Variants in YME1L1 observed in about 807,000 individuals in gnomAD.
The protein encoded by YME1L1 is ATP-dependent zinc metalloprotease YME1L1.
Under a neutral mutation model 90.4 loss-of-function variants are expected in YME1L1, and 39 were observed. That is an observed-to-expected ratio of 0.43 (90% confidence interval 0.33 to 0.56). The LOEUF (loss-of-function observed/expected upper bound fraction) is 0.56. Among genes scored for constraint, YME1L1 ranks in the 20% least tolerant of loss-of-function variants. The probability of loss-of-function intolerance (pLI) is 0.03; values close to 1 mark genes in which losing one functional copy is unlikely to be tolerated. For synonymous variants in YME1L1, 284 were observed against 287.3 expected (o/e 0.99, Z 0.12); for missense variants, 617 against 868.4 (o/e 0.71, Z 3.64).
chr10:27,113,074 G>A (rs2056774027), intron 18 of YME1L1, among the ~76,000 whole-genome samples: 1 of 151,584 alleles, frequency 6.6e-6, no homozygotes, highest in African/African-American at 2.4e-5. Flanking sequence ...AACAAAATTA[G>A]CTAGGCATGG....
intron 15 of YME1L1, 31 bp downstream of exon 15, chr10:27,117,545 G>A (rs774489091): frequency 6.2e-7 from 1 of 1,606,498 alleles, no homozygotes. Flanking sequence ...TCCAGCCTGG[G>A]TGACAGGGCG....
At chr10:27,145,857 CTT>C (rs34273028) in intron 2 of YME1L1, 617 of 189,938 alleles carry the variant, frequency 3.2e-3, no homozygotes, top group East Asian at 0.019. Flanking sequence ...ATGAGAAAAA[CTT>C]TTTTTTTTTT....
chr10:27,145,155 T>C (rs2057129232), intron 3 of YME1L1, among the ~76,000 whole-genome samples: 1 of 152,072 alleles, frequency 6.6e-6, no homozygotes, highest in Non-Finnish European at 1.5e-5. Flanking sequence ...AAAAAATTAT[T>C]GTACCAATGT....
chr10:27,115,678 T>C (rs1360194657), intron 17 of YME1L1, among the ~76,000 whole-genome samples: 3 of 152,062 alleles, frequency 2.0e-5, no homozygotes, highest in Admixed American at 6.6e-5. Flanking sequence ...ACTTCAAATA[T>C]AGAAATCCAT....
chr10:27,147,678 G>A, intron 2 of YME1L1: 1 of 1,551,234 alleles, frequency 6.4e-7, no homozygotes, highest in Non-Finnish European at 8.7e-7. Flanking sequence ...ACTGTAGGAA[G>A]AGAGGTTTTG....
At position 27,111,983 on chromosome 10, in the gene YME1L1, C is replaced by G; in HGVS notation, c.2145G>C (p.Val715=). 6.2e-7 allele frequency: 1 copy of G among 1,614,028 alleles called. No individual in the cohort carries two copies. Among genetic ancestry groups the G allele is most frequent in the Non-Finnish European group, 8.5e-7 (1 of 1,179,992 alleles). The change falls in exon 19 of 19, where the codon GTG becomes GTC. Residue 715 remains valine, a synonymous_variant. Transcript: ENST00000376016. The part of the protein sequence containing the change: ...QIVLEGKKLE[V]R ...ATCCATATCAAGAGAGTTATCATCT[C>G]ACTTCCAACTTTTTCCCCTCAAGAA...
intron 8 of YME1L1, 80 bp downstream of exon 8, chr10:27,131,779 C>T (rs2056979713): frequency 1.9e-6 from 2 of 1,064,428 alleles, no homozygotes; most frequent in South Asian, 1.5e-5. Context: ...CTAGAATACA[C>T]TGTAGAATCA....
At chr10:27,148,265 C>T (rs775314083) in intron 2 of YME1L1, among the ~76,000 whole-genome samples, 10 of 151,950 alleles carry the variant, frequency 6.6e-5, no homozygotes, top group African/African-American at 1.9e-4. Flanking sequence ...TGCAGTGGTG[C>T]GATCTTGGCT....
At chr10:27,113,946 T>C (rs1588579958) in intron 18 of YME1L1, among the ~76,000 whole-genome samples, 1 of 146,920 alleles carries the variant, frequency 6.8e-6, no homozygotes. Context: ...AGAATGAGAC[T>C]CCATAAAAAA....
intron 6 of YME1L1, 80 bp downstream of exon 6, chr10:27,134,751 G>A: frequency 6.9e-7 from 1 of 1,450,884 alleles, no homozygotes; most frequent in Non-Finnish European, 9.5e-7. Flanking sequence ...TCTTAGAAAA[G>A]TTACTTAAAA....
chr10:27,140,837 A>G (rs550888418), intron 4 of YME1L1, among the ~76,000 whole-genome samples: 13 of 152,020 alleles, frequency 8.6e-5, no homozygotes, highest in Non-Finnish European at 1.6e-4. Context: ...TTATTTTCTG[A>G]CATTGAGAGA....
rs568215954 is a variant in YME1L1 at position 27,122,699 on chromosome 10, A to C, written c.1235+142T>G. ...GTCTTGAGTTCTTGCATGAGGGACT[A>C]CTCTGTTTCCTATACACATCACATT... On this transcript the variant is annotated intron_variant, in intron 11 of 18. Coordinates refer to ENST00000376016, the MANE Select transcript of YME1L1 (RefSeq NM_014263.4). The C allele has an allele frequency of 1.7e-5, 19 of 1,114,368 alleles. No homozygotes were observed. The Admixed American group carries it at 4.4e-4, about 26-fold the overall frequency. The allele number at this position is 1,114,368 out of a possible 1,614,324, so 69.0% of individuals were successfully genotyped here. A position where few individuals can be genotyped will look rare whatever the true frequency, so the allele number is the denominator to read the frequency against.
At chr10:27,136,548 G>A (rs1055084009) in intron 4 of YME1L1, among the ~76,000 whole-genome samples, 163 bp from the exon 5 acceptor site, 2 of 151,740 alleles carry the variant, frequency 1.3e-5, no homozygotes, top group African/African-American at 4.8e-5. Context: ...GTAGAGACGG[G>A]GTCTCCTTTT....
chr10:27,144,573 T>A (rs1049365759), intron 3 of YME1L1, among the ~76,000 whole-genome samples: 1 of 152,182 alleles, frequency 6.6e-6, no homozygotes, highest in African/African-American at 2.4e-5. Flanking sequence ...TACCATACTG[T>A]TATGAGATTC....
At chr10:27,145,759 C>A in intron 2 of YME1L1, 169 bp from the exon 3 acceptor site, 2 of 561,464 alleles carry the variant, frequency 3.6e-6, no homozygotes, top group South Asian at 4.1e-5. Context: ...GTTCGTTTTA[C>A]TGAGATCAGT....
At chr10:27,115,273 A>G (rs767538243) in intron 17 of YME1L1, among the ~76,000 whole-genome samples, 1 of 152,062 alleles carries the variant, frequency 6.6e-6, no homozygotes, top group South Asian at 2.1e-4. Flanking sequence ...AAACAAAAAA[A>G]CACTAATATC....
chr10:27,128,550 A>G (rs1274236405), intron 8 of YME1L1, among the ~76,000 whole-genome samples: 1 of 152,026 alleles, frequency 6.6e-6, no homozygotes, highest in Non-Finnish European at 1.5e-5. Context: ...AGCCTGGACA[A>G]CAAAGTGAAA....
At chr10:27,120,330 A>C in intron 13 of YME1L1, 105 bp downstream of exon 13, 7 of 732,490 alleles carry the variant, frequency 9.6e-6, no homozygotes, top group Non-Finnish European at 1.5e-5. Context: ...GACAAAAATG[A>C]ACTGGTCTTT....
At chr10:27,150,974 G>A (rs1286463898) in intron 1 of YME1L1, among the ~76,000 whole-genome samples, 1 of 137,468 alleles carries the variant, frequency 7.3e-6, no homozygotes, top group African/African-American at 2.7e-5. Flanking sequence ...CGCCCAGACT[G>A]GAGTGCAGTG....
Sources: gnomAD v4.1 joint callset for allele counts (sites outside exome capture counted in the v4.1 genomes callset) on GRCh38, gnomAD v4.1.1 for gene constraint, MANE v1.5 for transcripts, NCBI Gene and HGNC (gene_info 2026-07-23, HGNC 2026-07-21) for gene names.